The following MADD variants were observed in gnomAD, a reference collection of about 807,000 sequenced individuals.
MADD encodes MAP kinase activating death domain.
Under a neutral mutation model 176.7 loss-of-function variants are expected in MADD, and 109 were observed. The observed-to-expected ratio is 0.62, with a 90% CI of 0.53 to 0.72. The LOEUF (loss-of-function observed/expected upper bound fraction) is 0.72, where lower values mean the gene tolerates loss of function less well. Among genes scored for constraint, MADD ranks in the 30% least tolerant of loss-of-function variants. The pLI, the probability that MADD is intolerant of heterozygous loss-of-function variation, is 0.00. For synonymous variants in MADD, 771 were observed against 771.3 expected, an observed-to-expected ratio of 1.00 and a Z score of 0.01; for missense variants, 1,914 against 2,045.5, an observed-to-expected ratio of 0.94 and a Z score of 1.24.
exon 28 of MADD, chr11:47,323,795 A>G (rs1484930926): frequency 5.6e-6 from 9 of 1,614,118 alleles, no homozygotes; most frequent in Non-Finnish European, 7.6e-6. Flanking sequence ...TGGCGTAGAA[A>G]TGGCTCTGAG....
chr11:47,324,810 C>T (rs1184064061), intron 30 of MADD: 6 of 671,476 alleles, frequency 8.9e-6, no homozygotes, highest in Middle Eastern at 2.6e-4. Flanking sequence ...TGGGCAGGAG[C>T]GAGGCCAGGT....
At chr11:47,281,673 T>A in exon 8 of MADD, 1 of 1,613,820 alleles carries the variant, frequency 6.2e-7, no homozygotes, top group Non-Finnish European at 8.5e-7. Flanking sequence ...GGCCTTCTAA[T>A]GACCTGCAGT....
At chr11:47,328,407 C>T in intron 31 of MADD, 1 of 1,413,050 alleles carries the variant, frequency 7.1e-7, no homozygotes, top group East Asian at 2.6e-5. Context: ...GAATCACGGC[C>T]ATCAAGTAAA....
chr11:47,282,243 C>A, intron 8 of MADD, 138 bp from the exon 9 acceptor site: 1 of 648,696 alleles, frequency 1.5e-6, no homozygotes, highest in South Asian at 1.9e-5. Context: ...GAAGAGGGGG[C>A]TGATGATTCT....
chr11:47,271,972 A>G (rs1159434129), intron 1 of MADD: 1 of 152,236 alleles, frequency 6.6e-6, no homozygotes, highest in Non-Finnish European at 1.5e-5. Flanking sequence ...CTAGAAATGA[A>G]TATATGGCGT....
intron 12 of MADD, 108 bp downstream of exon 12, chr11:47,284,673 C>T (rs1340403676): frequency 7.1e-7 from 1 of 1,399,930 alleles, no homozygotes; most frequent in Admixed American, 2.2e-5. Context: ...ACACAATTTT[C>T]TCATCTTCCT....
chr11:47,320,378 C>G (rs2094232060), intron 27 of MADD, among the ~76,000 whole-genome samples: 1 of 151,822 alleles, frequency 6.6e-6, no homozygotes, highest in African/African-American at 2.4e-5. Flanking sequence ...TTGTTTGAAC[C>G]TGGGAGGCGG....
chr11:47,308,994 T>C, intron 23 of MADD: 1 of 1,614,050 alleles, frequency 6.2e-7, no homozygotes, highest in Non-Finnish European at 8.5e-7. Flanking sequence ...GGACAAAGGA[T>C]CCATGTGGGA....
At chr11:47,317,384 ATATAATTCT>A (rs1319892577) in intron 27 of MADD, among the ~76,000 whole-genome samples, 1 of 152,188 alleles carries the variant, frequency 6.6e-6, no homozygotes, top group Non-Finnish European at 1.5e-5. Context: ...ATTTTGGTTG[ATATAATTCT>A]TAAGTGTCTC....
At chr11:47,328,274 C>A in intron 31 of MADD, 1 of 1,142,342 alleles carries the variant, frequency 8.8e-7, no homozygotes, top group Non-Finnish European at 1.1e-6. Context: ...AGAGAGAGCT[C>A]TCTCCTCCCA....
chr11:47,271,755 G>A (rs779544866), intron 1 of MADD, among the ~76,000 whole-genome samples: 7 of 151,578 alleles, frequency 4.6e-5, no homozygotes, highest in South Asian at 2.1e-4. Context: ...TCCCATGACA[G>A]GTTAACTACA....
At chr11:47,324,950 A>T in intron 30 of MADD, 1 of 592,158 alleles carries the variant, frequency 1.7e-6, no homozygotes. Context: ...TTGCTTTGAG[A>T]GTCTAGACTG....
chr11:47,274,778 T>C, exon 3 of MADD: 1 of 1,614,208 alleles, frequency 6.2e-7, no homozygotes, highest in Non-Finnish European at 8.5e-7. Context: ...CGATATGGCA[T>C]CTGTGTTAAC....
chr11:47,311,763 G>C (rs571269820), exon 26 of MADD: 1 of 1,613,710 alleles, frequency 6.2e-7, no homozygotes, highest in Non-Finnish European at 8.5e-7. Flanking sequence ...AAGAAGGTGA[G>C]GCGCCTAATG....
rs1595749063 is a variant in MADD at position 47,328,226 on chromosome 11, C to T, written c.4613-432C>T. ...CATGACCCAATTTTCAGGCTGGTGA[C>T]GAGTTCACGGGTGTCTCAGCAAAGT... On this transcript the variant is annotated intron_variant, in intron 31 of 32. Coordinates refer to ENST00000402192, the Ensembl canonical transcript of MADD. 20 of 1,072,782 alleles carry T rather than the reference C, an allele frequency of 1.9e-5. No individual in the cohort carries two copies. The South Asian group carries it at 2.5e-4, about 13-fold the overall frequency. 66.5% of individuals were successfully genotyped at this position (1,072,782 alleles called of 1,614,324 possible). A position where few individuals can be genotyped will look rare whatever the true frequency, so the allele number is the denominator to read the frequency against.
chr11:47,297,284 T>C (rs2073297709), intron 22 of MADD, among the ~76,000 whole-genome samples: 3 of 152,122 alleles, frequency 2.0e-5, no homozygotes, highest in Admixed American at 2.0e-4. Context: ...TATGTGTGTT[T>C]TTAATAGAGT....
chr11:47,296,089 T>TAAAG, intron 22 of MADD, 34 bp downstream of exon 24: 1 of 1,603,920 alleles, frequency 6.2e-7, no homozygotes, highest in South Asian at 1.1e-5. Context: ...GAAAACCATT[T>TAAAG]CTTTAATGGG....
At chr11:47,282,474 A>G in exon 9 of MADD, 1 of 1,614,190 alleles carries the variant, frequency 6.2e-7, no homozygotes, top group Non-Finnish European at 8.5e-7. Context: ...GGCCTGTGGT[A>G]GCTTTTCAAG....
At chr11:47,293,682 C>G (rs1026113669) in intron 19 of MADD, among the ~76,000 whole-genome samples, 1 of 152,124 alleles carries the variant, frequency 6.6e-6, no homozygotes, top group Non-Finnish European at 1.5e-5. Context: ...CCATTGAGAC[C>G]AGGTCTGATT....
Sources: gnomAD v4.1 joint callset for allele counts (sites outside exome capture counted in the v4.1 genomes callset) on GRCh38, gnomAD v4.1.1 for gene constraint, MANE v1.5 for transcripts, NCBI Gene and HGNC (gene_info 2026-07-23, HGNC 2026-07-21) for gene names.